Variants in CDKAL1 observed in about 807,000 individuals in gnomAD.
CDKAL1 encodes CDKAL1 threonylcarbamoyladenosine tRNA methylthiotransferase, also known as threonylcarbamoyladenosine tRNA methylthiotransferase.
CDKAL1 carries 32 observed loss-of-function variants against 68.2 expected under a neutral mutation model. The observed-to-expected ratio is 0.47, with a 90% CI of 0.35 to 0.63. CDKAL1 has a LOEUF of 0.63. Among genes scored for constraint, CDKAL1 ranks in the 30% least tolerant of loss-of-function variants. The probability of loss-of-function intolerance (pLI) is 0.00; values close to 1 mark genes in which losing one functional copy is unlikely to be tolerated. For missense variants in CDKAL1, 606 were observed against 696.7 expected (o/e 0.87, Z 1.47); for synonymous variants, 234 against 244.3 (o/e 0.96, Z 0.39).
intron 9 of CDKAL1, among the ~76,000 whole-genome samples, chr6:20,926,340 G>T (rs1235905228): frequency 2.0e-5 from 3 of 151,964 alleles, no homozygotes; most frequent in African/African-American, 7.2e-5. Flanking sequence ...ACATTACTTT[G>T]GGGGCATATA....
intron 8 of CDKAL1, among the ~76,000 whole-genome samples, chr6:20,806,941 A>G (rs750267491): frequency 3.9e-5 from 6 of 152,190 alleles, no homozygotes; most frequent in Non-Finnish European, 8.8e-5. Context: ...AGATTTACAA[A>G]TCTGTGAAAA....
intron 15 of CDKAL1, among the ~76,000 whole-genome samples, chr6:21,204,945 C>T (rs986527489): frequency 6.6e-6 from 1 of 152,218 alleles, no homozygotes; most frequent in Non-Finnish European, 1.5e-5. Context: ...AATAACTCCT[C>T]ATTTCCCCCT....
At chr6:20,757,147 G>A (rs558189399) in intron 6 of CDKAL1, among the ~76,000 whole-genome samples, 2 of 152,124 alleles carry the variant, frequency 1.3e-5, no homozygotes, top group Admixed American at 1.3e-4. Flanking sequence ...TGGCCAGGCT[G>A]GTCTCGAACT....
At chr6:20,838,523 T>C (rs1322571733) in intron 8 of CDKAL1, among the ~76,000 whole-genome samples, 1 of 152,236 alleles carries the variant, frequency 6.6e-6, no homozygotes, top group Non-Finnish European at 1.5e-5. Context: ...AAGAAAATTT[T>C]CGGAAAAGTA....
intron 13 of CDKAL1, among the ~76,000 whole-genome samples, chr6:21,115,439 A>G (rs1198356261): frequency 1.3e-5 from 2 of 152,208 alleles, no homozygotes; most frequent in Non-Finnish European, 2.9e-5. Flanking sequence ...TTTTTAATGG[A>G]TCCGGCACTC....
intron 10 of CDKAL1, among the ~76,000 whole-genome samples, chr6:20,979,463 G>C (rs1396851904): frequency 6.6e-6 from 1 of 152,132 alleles, no homozygotes; most frequent in East Asian, 1.9e-4. Context: ...TTAGAGGTGA[G>C]CAATTGCATT....
chr6:21,220,196 G>A (rs76419290), intron 15 of CDKAL1, among the ~76,000 whole-genome samples: 5,901 of 149,798 alleles, frequency 0.039, 297 homozygotes, highest in African/African-American at 0.13. Context: ...GCTCGTGCGT[G>A]CGTGCGTGTG....
intron 10 of CDKAL1, among the ~76,000 whole-genome samples, chr6:20,959,942 C>G (rs1057452512): frequency 2.0e-5 from 3 of 152,056 alleles, no homozygotes; most frequent in African/African-American, 7.2e-5. Context: ...CACATGAGAC[C>G]AGTGATAGTG....
intron 4 of CDKAL1, among the ~76,000 whole-genome samples, chr6:20,597,319 G>T (rs1001365969): frequency 6.6e-6 from 1 of 151,894 alleles, no homozygotes. Flanking sequence ...TGGTAGAGAC[G>T]GGGTTTCACC....
rs371270729 is a variant in CDKAL1, at chr6:20,842,546, T to C, written c.639-3529T>C. Among the ~76,000 whole-genome samples the C allele has an allele frequency of 1.2e-4, 19 of 152,358 alleles. No homozygotes were observed. In the East Asian group the frequency reaches 1.9e-3, roughly 15 times the overall value. ...AGAGTTTAGAACTTCAAAACTATCA[T>C]GTTGGCTGGGTGTGGTGGCTCACGC... On this transcript the variant is annotated intron_variant, in intron 8 of 15. Transcript: ENST00000274695.
intron 9 of CDKAL1, among the ~76,000 whole-genome samples, chr6:20,916,718 T>C (rs1410942539): frequency 6.6e-6 from 1 of 152,202 alleles, no homozygotes; most frequent in African/African-American, 2.4e-5. Context: ...AAAAGACATT[T>C]ATATTTTAGG....
intron 5 of CDKAL1, among the ~76,000 whole-genome samples, chr6:20,678,509 AAGGCTTCACTT>A (rs1486463006): frequency 6.6e-6 from 1 of 152,164 alleles, no homozygotes; most frequent in African/African-American, 2.4e-5. Flanking sequence ...TACAGTCAGT[AAGGCTTCACTT>A]AATGTCCTGG....
At chr6:20,834,493 C>T (rs1468754228) in intron 8 of CDKAL1, among the ~76,000 whole-genome samples, 1 of 152,066 alleles carries the variant, frequency 6.6e-6, no homozygotes, top group Non-Finnish European at 1.5e-5. Context: ...TGGGATTTGG[C>T]CTTTTGTTTG....
chr6:20,609,817 A>G (rs1291565800), intron 4 of CDKAL1, among the ~76,000 whole-genome samples: 1 of 152,006 alleles, frequency 6.6e-6, no homozygotes, highest in Non-Finnish European at 1.5e-5. Context: ...GTACAAGTGC[A>G]GGTTTGTTAC....
chr6:20,941,096 G>GGA (rs527578700), intron 9 of CDKAL1, among the ~76,000 whole-genome samples: 1 of 113,586 alleles, frequency 8.8e-6, no homozygotes, highest in Admixed American at 9.2e-5. Flanking sequence ...ATCTCAAAAA[G>GGA]AAAAAAAAAA....
rs76600288 is a variant in CDKAL1 at position 21,205,026 on chromosome 6, T to C, written c.1548+3752T>C. ...ATTTGATTACTTTTGGTACCTCATA[T>C]CAGTGGAATCATATGCTCACCAGTG... On this transcript the variant is annotated intron_variant, in intron 15 of 15. Coordinates refer to ENST00000274695, the MANE Select transcript of CDKAL1 (RefSeq NM_017774.3). Among the ~76,000 whole-genome samples, 1,254 of 152,328 alleles carry C rather than the reference T, an allele frequency of 8.2e-3. 70 individuals carry two copies. The highest frequency in any genetic ancestry group is 0.07 in the Admixed American group (1,068 of 15,296).
intron 10 of CDKAL1, among the ~76,000 whole-genome samples, chr6:20,970,066 T>TTCTCAC (rs1451824275): frequency 1.3e-5 from 2 of 152,214 alleles, no homozygotes; most frequent in African/African-American, 4.8e-5. Flanking sequence ...CAAAAGACTG[T>TTCTCAC]TCTCACTGGG....
intron 4 of CDKAL1, among the ~76,000 whole-genome samples, chr6:20,565,237 A>C (rs918010955): frequency 3.3e-5 from 5 of 152,074 alleles, no homozygotes; most frequent in African/African-American, 1.2e-4. Context: ...AAAATGTTTT[A>C]CTTTTGTTGT....
chr6:20,861,255 G>C (rs1490904604), intron 9 of CDKAL1, among the ~76,000 whole-genome samples: 1 of 152,154 alleles, frequency 6.6e-6, no homozygotes, highest in South Asian at 2.1e-4. Flanking sequence ...CAAGGCCAGA[G>C]TGTGAAACCA....
Sources: allele counts gnomAD v4.1 joint callset (sites outside exome capture counted in the v4.1 genomes callset), GRCh38; gene constraint gnomAD v4.1.1; transcripts MANE v1.5; gene names NCBI Gene and HGNC (gene_info 2026-07-23, HGNC 2026-07-21).